GRM5: variants seen among roughly 807,000 people sequenced by gnomAD.
GRM5 encodes glutamate metabotropic receptor 5, also known as metabotropic glutamate receptor 5.
Under a neutral mutation model 83.1 loss-of-function variants are expected in GRM5, and 19 were observed. The ratio of observed to expected loss-of-function variants is 0.23; its 90% CI spans 0.16 to 0.34. GRM5 has a LOEUF of 0.34. Among genes scored for constraint, GRM5 ranks in the 10% least tolerant of loss-of-function variants. GRM5 has a pLI of 1.00. For synonymous variants in GRM5, 675 were observed against 633.6 expected, an observed-to-expected ratio of 1.07 and a Z score of -0.98; for missense variants, 1,160 against 1,588.3, an observed-to-expected ratio of 0.73 and a Z score of 4.58.
intron 3 of GRM5, among the ~76,000 whole-genome samples, chr11:88,822,041 G>A (rs927880945): frequency 6.6e-6 from 1 of 152,140 alleles, no homozygotes; most frequent in Non-Finnish European, 1.5e-5. Context: ...ATTGAGAAGA[G>A]ATGATTACTT....
intron 2 of GRM5, among the ~76,000 whole-genome samples, chr11:88,948,977 G>C (rs1010706960): frequency 1.3e-5 from 2 of 152,166 alleles, no homozygotes; most frequent in African/African-American, 2.4e-5. Flanking sequence ...TTTACATCTG[G>C]AAAGATATTA....
At chr11:88,974,600 T>C (rs1397311812) in intron 2 of GRM5, among the ~76,000 whole-genome samples, 2 of 152,178 alleles carry the variant, frequency 1.3e-5, no homozygotes, top group African/African-American at 2.4e-5. Context: ...GTCCCCAATA[T>C]AGAATCATTT....
intron 3 of GRM5, among the ~76,000 whole-genome samples, chr11:88,842,192 T>C (rs559254565): frequency 6.6e-6 from 1 of 152,326 alleles, no homozygotes; most frequent in East Asian, 1.9e-4. Context: ...TTATCACACA[T>C]ATTTTCTTAT....
intron 4 of GRM5, among the ~76,000 whole-genome samples, chr11:88,610,835 G>A (rs1057191056): frequency 1.4e-4 from 21 of 152,236 alleles, no homozygotes; most frequent in Admixed American, 1.4e-3. Flanking sequence ...TGCCTGTTCA[G>A]TATGATGTTG....
rs193284186 is a variant in GRM5, at chr11:88,946,639, G to A, written c.662-96484C>T. Reference sequence around the variant, plus strand: ...GAGTACCCACTGACATAACGATGGCGATAATAGAAACAGAGGACTACTAGA... The same window carrying A: ...GAGTACCCACTGACATAACGATGGCAATAATAGAAACAGAGGACTACTAGA... On this transcript the variant is annotated intron_variant, in intron 2 of 9. Coordinates refer to ENST00000305447, the MANE Select transcript of GRM5 (RefSeq NM_001143831.3). 3.4e-3 allele frequency among the ~76,000 whole-genome samples: 512 copies of A among 152,164 alleles called. 2 individuals carry two copies. Among genetic ancestry groups the A allele is most frequent in the Admixed American group, 5.4e-3 (83 of 15,268 alleles).
chr11:89,039,852 G>T (rs917774776), intron 2 of GRM5, among the ~76,000 whole-genome samples: 2 of 152,320 alleles, frequency 1.3e-5, no homozygotes, highest in African/African-American at 4.8e-5. Flanking sequence ...CCCAGGCTGA[G>T]TGCAGTGGTG....
intron 3 of GRM5, among the ~76,000 whole-genome samples, chr11:88,729,582 TA>T (rs1443269990): frequency 6.6e-6 from 1 of 151,786 alleles, no homozygotes; most frequent in Non-Finnish European, 1.5e-5. Flanking sequence ...CAATCCTAAA[TA>T]AAAAGAACAA....
In GRM5 at chr11:88,923,339, C is replaced by A. The variant is rs536278060; in HGVS notation, c.662-73184G>T. Among the ~76,000 whole-genome samples, 3 of 152,162 alleles carry A rather than the reference C, an allele frequency of 2.0e-5. 1 individual carries two copies. Among genetic ancestry groups the A allele is most frequent in the East Asian group, 3.9e-4 (2 of 5,166 alleles). On this transcript the variant is annotated intron_variant, in intron 2 of 9. Transcript: ENST00000305447. ...AGATGAATGGATAAGGCAAATGTAG[C>A]GCATATACACAAGATAGCACTATTC...
rs1939562851 is a variant in GRM5, at chr11:88,649,287, A to AATATATATT, written c.1147+3880_1147+3881insAATATATAT. On this transcript the variant is annotated intron_variant, in intron 4 of 9. Transcript: ENST00000305447. ...TATATATTATATATTATATATATGT[A>AATATATATT]ATACATATATATTATACATTACATA... is the stretch of plus-strand genomic sequence containing the variant. Among the ~76,000 whole-genome samples, 7 of 135,368 alleles carry AATATATATT rather than the reference A, an allele frequency of 5.2e-5. No homozygotes were observed. In the South Asian group the frequency reaches 8.7e-4, roughly 17 times the overall value. 88.8% of individuals were successfully genotyped at this position (135,368 alleles called of 152,430 possible).
chr11:88,880,272 C>A (rs150477217), intron 2 of GRM5, among the ~76,000 whole-genome samples: 1 of 151,694 alleles, frequency 6.6e-6, no homozygotes, highest in Non-Finnish European at 1.5e-5. Context: ...GCAAGCAATG[C>A]GTAAATATTA....
chr11:88,764,219 A>G (rs1411020596), intron 3 of GRM5, among the ~76,000 whole-genome samples: 1 of 151,770 alleles, frequency 6.6e-6, no homozygotes, highest in East Asian at 1.9e-4. Flanking sequence ...ATGAAGCAAA[A>G]ATGAACAGAT....
intron 3 of GRM5, among the ~76,000 whole-genome samples, chr11:88,783,372 T>C (rs1357138332): frequency 6.6e-6 from 1 of 152,128 alleles, no homozygotes; most frequent in African/African-American, 2.4e-5. Flanking sequence ...TGTGAAATAA[T>C]ATTTTATCAC....
chr11:88,542,506 T>C (rs1308609171), intron 8 of GRM5, among the ~76,000 whole-genome samples: 1 of 152,208 alleles, frequency 6.6e-6, no homozygotes, highest in Non-Finnish European at 1.5e-5. Context: ...GGGAGGGGTA[T>C]TGATGATCCT....
intron 4 of GRM5, among the ~76,000 whole-genome samples, chr11:88,607,496 C>T (rs2927493): frequency 0.52 from 78,750 of 152,048 alleles, 24,071 homozygotes; most frequent in South Asian, 0.76. Flanking sequence ...CCCTGCACTC[C>T]AGCCTGTTTT....
chr11:88,625,507 T>C (rs1370534516), intron 4 of GRM5, among the ~76,000 whole-genome samples: 6 of 152,144 alleles, frequency 3.9e-5, no homozygotes, highest in South Asian at 2.1e-4. Flanking sequence ...AATTTGACCT[T>C]CATATTTAAA....
At chr11:88,676,148 A>G (rs1055836179) in intron 3 of GRM5, among the ~76,000 whole-genome samples, 1 of 152,064 alleles carries the variant, frequency 6.6e-6, no homozygotes, top group Non-Finnish European at 1.5e-5. Context: ...GCATTTTATT[A>G]TAACACTCTC....
Position 89,048,042 on chromosome 11 carries a change from AG to A in GRM5, c.-171del. 2 of 596,072 alleles carry A rather than the reference AG, an allele frequency of 3.4e-6. No homozygotes were observed. The highest frequency in any genetic ancestry group is 6.0e-6 in the Non-Finnish European group (2 of 335,668). The allele number at this position is 596,072 out of a possible 1,614,324, so 36.9% of individuals were successfully genotyped here. ...TTTTGTCCCCATGTACCATTTAGTTAGATGATCCATGTGGTCATGATCTTCT... is the reference window on the plus strand; with the variant it reads ...TTTTGTCCCCATGTACCATTTAGTTAATGATCCATGTGGTCATGATCTTCT... On this transcript the variant is annotated 5_prime_UTR_variant, in exon 2 of 10. An upstream open reading frame in the 5' UTR loses its in-frame stop. Transcript: ENST00000305447.
chr11:88,862,223 G>A (rs1459241894), intron 2 of GRM5, among the ~76,000 whole-genome samples: 1 of 152,016 alleles, frequency 6.6e-6, no homozygotes, highest in Non-Finnish European at 1.5e-5. Context: ...ATGGTTTTTG[G>A]GAAATGGCTT....
At chr11:88,849,091 CT>C (rs1797834456) in intron 3 of GRM5, among the ~76,000 whole-genome samples, 1 of 152,004 alleles carries the variant, frequency 6.6e-6, no homozygotes, top group African/African-American at 2.4e-5. Context: ...CATATTGGCT[CT>C]CTTGGGTCTT....
Sources: gnomAD v4.1 joint callset for allele counts (sites outside exome capture counted in the v4.1 genomes callset) on GRCh38, gnomAD v4.1.1 for gene constraint, MANE v1.5 for transcripts, NCBI Gene and HGNC (gene_info 2026-07-23, HGNC 2026-07-21) for gene names.